EIF2S1: variants seen among roughly 807,000 people sequenced by gnomAD.
EIF2S1 encodes the protein eukaryotic translation initiation factor 2 subunit 1.
In EIF2S1, 5 loss-of-function variants were observed where a neutral mutation model predicts 33.5. That is an observed-to-expected ratio of 0.15 (90% CI 0.08 to 0.31). The LOEUF (loss-of-function observed/expected upper bound fraction) is 0.31. Among genes scored for constraint, EIF2S1 ranks in the 10% least tolerant of loss-of-function variants. The probability of loss-of-function intolerance (pLI) is 1.00; values close to 1 mark genes in which losing one functional copy is unlikely to be tolerated. For synonymous variants in EIF2S1, 99 were observed against 127.5 expected (o/e 0.78, Z 1.51); for missense variants, 191 against 384.6 (o/e 0.50, Z 4.21).
In EIF2S1 at chr14:67,385,988, G is replaced by A. The variant is rs1245397305; in HGVS notation, c.*2548G>A. 1 of 152,074 alleles carries A rather than the reference G, an allele frequency of 6.6e-6. No individual in the cohort carries two copies. The highest frequency in any genetic ancestry group is 1.5e-5 in the Non-Finnish European group (1 of 68,018). The allele number at this position is 152,074 out of a possible 1,614,324, so 9.4% of individuals were successfully genotyped here. On this transcript the variant is annotated 3_prime_UTR_variant, in exon 8 of 8. Transcript: ENST00000256383. ...AATACAAATGCCAGTACCTTGCCGA[G>A]ACTTGTTCACTGATTTGCCCCAACC... is the stretch of plus-strand genomic sequence containing the variant.
intron 7 of EIF2S1, 60 bp downstream of exon 7, chr14:67,382,650 T>C (rs930233409): frequency 6.3e-6 from 10 of 1,588,106 alleles, no homozygotes; most frequent in African/African-American, 1.3e-5. Flanking sequence ...GGAGTTCTTG[T>C]AGGTAAATAA....
chr14:67,381,742 A>G, intron 6 of EIF2S1, 52 bp downstream of exon 6: 1 of 1,264,556 alleles, frequency 7.9e-7, no homozygotes, highest in Non-Finnish European at 1.1e-6. Flanking sequence ...TAAACCAAAT[A>G]GGATCTTTGA....
In EIF2S1 at chr14:67,385,791, A is replaced by G. The variant is rs371506583; in HGVS notation, c.*2351A>G. 3.3e-5 allele frequency: 5 copies of G among 150,974 alleles called. No homozygotes were observed. Among genetic ancestry groups the G allele is most frequent in the South Asian group, 2.1e-4 (1 of 4,806 alleles). 9.4% of individuals were successfully genotyped at this position (150,974 alleles called of 1,614,324 possible). Reference sequence around the variant, plus strand: ...CCATGCCCCACCCAAACCATTTTTCATATCAGTTATAGCAAAACAAGACAA... The same window carrying G: ...CCATGCCCCACCCAAACCATTTTTCGTATCAGTTATAGCAAAACAAGACAA... On this transcript the variant is annotated 3_prime_UTR_variant, in exon 8 of 8. Coordinates refer to ENST00000256383, the MANE Select transcript of EIF2S1 (RefSeq NM_004094.5).
At chr14:67,367,431 A>G (rs781136410) in intron 2 of EIF2S1, among the ~76,000 whole-genome samples, 12 of 151,692 alleles carry the variant, frequency 7.9e-5, no homozygotes, top group Non-Finnish European at 1.8e-4. Flanking sequence ...GGGTTTCACC[A>G]TGTTGGCCAG....
chr14:67,366,961 C>T (rs965242308), intron 2 of EIF2S1, among the ~76,000 whole-genome samples: 2 of 151,814 alleles, frequency 1.3e-5, no homozygotes, highest in Non-Finnish European at 1.5e-5. Context: ...GAACTGGAGG[C>T]GAGAGTTGTA....
At chr14:67,361,702 G>C (rs1438014601) in intron 1 of EIF2S1, among the ~76,000 whole-genome samples, 2 of 152,166 alleles carry the variant, frequency 1.3e-5, no homozygotes, top group Non-Finnish European at 2.9e-5. Flanking sequence ...CTGGAGTTTG[G>C]TTGATATATT....
rs538260528 is a variant in EIF2S1 at position 67,384,952 on chromosome 14, T to G, written c.*1512T>G. The G allele has an allele frequency of 1.3e-5, 2 of 152,336 alleles. No individual in the cohort carries two copies. The highest frequency in any genetic ancestry group is 2.1e-4 in the South Asian group (1 of 4,826). 9.4% of individuals were successfully genotyped at this position (152,336 alleles called of 1,614,324 possible). ...ATGCATTCAAAATATAACAGGTGCT[T>G]CTTTGTTGTACGCAGAGGAATTTTT... On this transcript the variant is annotated 3_prime_UTR_variant, in exon 8 of 8. Transcript: ENST00000256383.
In EIF2S1 at chr14:67,361,257, G is replaced by A. The variant is rs2085737817; in HGVS notation, c.-2+801G>A. ...GGTTTCTTCGAGAAAAAGTATAGCAGAGAAGTCTTTATTTCCCCTCAATTG... is the reference window on the plus strand; with the variant it reads ...GGTTTCTTCGAGAAAAAGTATAGCAAAGAAGTCTTTATTTCCCCTCAATTG... On this transcript the variant is annotated intron_variant, in intron 1 of 7. Transcript: ENST00000256383. Among the ~76,000 whole-genome samples, 2 of 152,196 alleles carry A rather than the reference G, an allele frequency of 1.3e-5. 1 individual carries two copies. Among genetic ancestry groups the A allele is most frequent in the South Asian group, 4.1e-4 (2 of 4,834 alleles).
chr14:67,363,976 G>A (rs1365416782), intron 1 of EIF2S1: 1 of 152,170 alleles, frequency 6.6e-6, no homozygotes, highest in Non-Finnish European at 1.5e-5. Flanking sequence ...AAGGAGTAGT[G>A]CTGAAAGTAG....
chr14:67,372,838 C>A lies in EIF2S1; in HGVS notation c.242-1630C>A, dbSNP rs938884641. Among the ~76,000 whole-genome samples the A allele has an allele frequency of 2.8e-4, 41 of 146,708 alleles. 1 individual carries two copies. In the East Asian group the frequency reaches 6.6e-3, roughly 24 times the overall value. On this transcript the variant is annotated intron_variant, in intron 2 of 7. Transcript: ENST00000256383. Reference sequence around the variant, plus strand: ...CAAGACTCCATCTCAAAAAAAAAAACAAAAAACAAACAAAAAAACCCTGTA... The same window carrying A: ...CAAGACTCCATCTCAAAAAAAAAAAAAAAAAACAAACAAAAAAACCCTGTA...
Position 67,368,201 on chromosome 14 carries a change from A to AG in EIF2S1, c.241+3194dup, listed in dbSNP as rs1476514014. The stretch of plus-strand genomic sequence containing the variant: ...AGTTTCTGCAGGAAAAGCAAGGCAG[A>AG]GCAGCGTAAACGGCTTGCAGTTGGC... On this transcript the variant is annotated intron_variant, in intron 2 of 7. Transcript: ENST00000256383. Among the ~76,000 whole-genome samples, 13 of 152,350 alleles carry AG rather than the reference A, an allele frequency of 8.5e-5. No homozygotes were observed. The East Asian group carries it at 2.3e-3, about 27-fold the overall frequency.
At chr14:67,367,359 TA>T (rs2085786968) in intron 2 of EIF2S1, among the ~76,000 whole-genome samples, 1 of 152,078 alleles carries the variant, frequency 6.6e-6, no homozygotes, top group Non-Finnish European at 1.5e-5. Flanking sequence ...GCCTCCAGAG[TA>T]GCTGGGATTA....
chr14:67,361,563 A>G (rs1425681850), intron 1 of EIF2S1, among the ~76,000 whole-genome samples: 2 of 152,240 alleles, frequency 1.3e-5, no homozygotes, highest in African/African-American at 2.4e-5. Context: ...ATCACATAAT[A>G]TATTTTGGAA....
Position 67,366,669 on chromosome 14 carries a change from T to A in EIF2S1, c.241+1661T>A, listed in dbSNP as rs80233691. Among the ~76,000 whole-genome samples, 236 of 152,322 alleles carry A rather than the reference T, an allele frequency of 1.5e-3. 2 individuals are homozygous for A. The highest frequency in any genetic ancestry group is 2.7e-3 in the Non-Finnish European group (187 of 68,028). On this transcript the variant is annotated intron_variant, in intron 2 of 7. Transcript: ENST00000256383. ...AAAAAGCAAAGTGCAAAAGAGCCTG[T>A]AGAGAGGATTCATTTTGATACTAGA... is the stretch of plus-strand genomic sequence containing the variant.
chr14:67,383,356 G>T lies in EIF2S1; in HGVS notation c.864G>T (p.Arg288Ser), dbSNP rs1186892826. The change falls in exon 8 of 8, where the codon AGG becomes AGT. Residue 288 changes from arginine (R) to serine (S), a missense_variant. Physicochemically the swap from Arg to Ser is moderately radical, Grantham distance 110 (BLOSUM62 -1). Coordinates refer to ENST00000256383, the MANE Select transcript of EIF2S1 (RefSeq NM_004094.5). ...VTDTDETELA[R>S]QMERLERENA... ...ATACAGATGAGACTGAACTTGCGAG[G>T]CAGATGGAGAGGCTTGAAAGAGAAA... is the stretch of plus-strand genomic sequence containing the variant. The T allele has an allele frequency of 6.2e-7, 1 of 1,613,728 alleles. No homozygotes were observed. Among genetic ancestry groups the T allele is most frequent in the African/African-American group, 1.3e-5 (1 of 75,040 alleles).
At chr14:67,363,894 T>C (rs1034608021) in intron 1 of EIF2S1, 5 of 152,184 alleles carry the variant, frequency 3.3e-5, no homozygotes, top group Admixed American at 6.5e-5. Flanking sequence ...TCATCAGCCA[T>C]GATTAGTTTG....
chr14:67,365,831 G>A (rs1453443790), intron 2 of EIF2S1, among the ~76,000 whole-genome samples: 1 of 152,174 alleles, frequency 6.6e-6, no homozygotes, highest in Non-Finnish European at 1.5e-5. Context: ...ACTTCTGCAA[G>A]TGATTAATTT....
chr14:67,369,678 G>T (rs993908298), intron 2 of EIF2S1, among the ~76,000 whole-genome samples: 3 of 152,180 alleles, frequency 2.0e-5, no homozygotes, highest in Non-Finnish European at 4.4e-5. Context: ...TGGGAGGGAA[G>T]AGTTTGCAGT....
intron 1 of EIF2S1, among the ~76,000 whole-genome samples, chr14:67,363,759 T>C (rs942253064): frequency 7.9e-5 from 12 of 152,204 alleles, no homozygotes; most frequent in Non-Finnish European, 1.6e-4. Context: ...TGAGAAGATA[T>C]AGGCAGGTGC....
Sources: gnomAD v4.1 joint callset for allele counts (sites outside exome capture counted in the v4.1 genomes callset) on GRCh38, gnomAD v4.1.1 for gene constraint, MANE v1.5 for transcripts, NCBI Gene and HGNC (gene_info 2026-07-23, HGNC 2026-07-21) for gene names.